Variants in PACRG observed in about 807,000 individuals in gnomAD.
PACRG encodes the protein parkin coregulated.
PACRG carries 29 observed loss-of-function variants against 29.7 expected under a neutral mutation model. That is an observed-to-expected ratio of 0.98 (90% CI 0.73 to 1.33). The LOEUF is 1.33. Ranked by LOEUF, PACRG falls within the 40% of genes most tolerant of loss-of-function variation. The pLI, the probability that PACRG is intolerant of heterozygous loss-of-function variation, is 0.00. For synonymous variants in PACRG, 116 were observed against 118.7 expected (o/e 0.98, Z 0.15); for missense variants, 279 against 316.2 (o/e 0.88, Z 0.89).
intron 2 of PACRG, among the ~76,000 whole-genome samples, chr6:162,995,989 G>A (rs1347792157): frequency 6.6e-6 from 1 of 152,154 alleles, no homozygotes; most frequent in Non-Finnish European, 1.5e-5. Flanking sequence ...TGTGATGTTG[G>A]TCAAAGGGTA....
chr6:162,989,852 A>G (rs1803275399), intron 2 of PACRG, among the ~76,000 whole-genome samples: 1 of 151,390 alleles, frequency 6.6e-6, no homozygotes, highest in Admixed American at 6.6e-5. Flanking sequence ...CTCGTCATCT[A>G]GCCTTAGGTA....
chr6:162,972,238 T>TTA (rs1243814186), intron 2 of PACRG, among the ~76,000 whole-genome samples: 1 of 152,204 alleles, frequency 6.6e-6, no homozygotes, highest in Non-Finnish European at 1.5e-5. Context: ...CAGTGATTCA[T>TTA]TATAAAATAA....
chr6:162,741,529 CTCTT>C (rs1780597928), intron 1 of PACRG, among the ~76,000 whole-genome samples: 1 of 152,172 alleles, frequency 6.6e-6, no homozygotes, highest in Admixed American at 6.5e-5. Flanking sequence ...CTCTCTCTCT[CTCTT>C]TCTTGTAGAG....
chr6:162,727,960 C>T (rs1000207353), upstream of PACRG: 5 of 596,160 alleles, frequency 8.4e-6, no homozygotes, highest in Admixed American at 9.0e-5. Flanking sequence ...ATGCGCCCGC[C>T]GTGTTGACCA....
At chr6:163,122,987 A>G (rs1396256842) in intron 4 of PACRG, among the ~76,000 whole-genome samples, 2 of 152,214 alleles carry the variant, frequency 1.3e-5, no homozygotes, top group African/African-American at 4.8e-5. Flanking sequence ...GCTATTAACG[A>G]CAAGGACACC....
intron 4 of PACRG, among the ~76,000 whole-genome samples, chr6:163,267,459 A>C (rs1216361319): frequency 6.6e-6 from 1 of 152,276 alleles, no homozygotes; most frequent in Non-Finnish European, 1.5e-5. Flanking sequence ...AGTCATATCC[A>C]GTGGGACCAT....
chr6:163,045,748 G>A (rs561764753), intron 2 of PACRG, among the ~76,000 whole-genome samples: 31 of 149,416 alleles, frequency 2.1e-4, no homozygotes, highest in African/African-American at 6.7e-4. Flanking sequence ...TCAGCCTCCC[G>A]AGTAGCTGGG....
At chr6:162,931,077 A>G (rs1350658445) in intron 2 of PACRG, among the ~76,000 whole-genome samples, 3 of 151,794 alleles carry the variant, frequency 2.0e-5, no homozygotes, top group Non-Finnish European at 4.4e-5. Context: ...TATCAGAGTA[A>G]TGCTAGCCTT....
At chr6:162,773,311 A>C (rs1017878107) in intron 1 of PACRG, among the ~76,000 whole-genome samples, 2 of 152,108 alleles carry the variant, frequency 1.3e-5, no homozygotes, top group African/African-American at 2.4e-5. Flanking sequence ...AAATTCTGTC[A>C]TGGTTTTCAT....
intron 2 of PACRG, among the ~76,000 whole-genome samples, chr6:163,004,731 T>TACAC (rs1391766486): frequency 8.3e-5 from 12 of 143,780 alleles, no homozygotes; most frequent in Middle Eastern, 3.6e-3. Context: ...TGTGTGTATA[T>TACAC]ATATATACAC....
intron 3 of PACRG, among the ~76,000 whole-genome samples, chr6:163,073,835 T>C (rs2128282201): frequency 6.6e-6 from 1 of 152,350 alleles, no homozygotes; most frequent in Middle Eastern, 3.4e-3. Flanking sequence ...GAAAAGGTTC[T>C]CGACATAATT....
At chr6:162,805,577 G>A (rs1332186822) in intron 1 of PACRG, among the ~76,000 whole-genome samples, 1 of 152,168 alleles carries the variant, frequency 6.6e-6, no homozygotes, top group East Asian at 1.9e-4. Context: ...TTTCTCTGTA[G>A]CATGTGATGC....
At chr6:163,184,740 A>C (rs892046549) in intron 4 of PACRG, 7 of 152,324 alleles carry the variant, frequency 4.6e-5, no homozygotes, top group South Asian at 2.1e-4. Context: ...AACATAAAGA[A>C]ATGCAACTTT....
chr6:163,124,197 C>T (rs541667695), intron 4 of PACRG, among the ~76,000 whole-genome samples: 1 of 152,294 alleles, frequency 6.6e-6, no homozygotes, highest in Admixed American at 6.5e-5. Context: ...AAATTAACTC[C>T]TTATCACATA....
At position 163,315,064 on chromosome 6, in the gene PACRG, C is replaced by T; in HGVS notation, c.*77C>T. 1 of 1,480,958 alleles carries T rather than the reference C, an allele frequency of 6.8e-7. No homozygotes were observed. The allele number at this position is 1,480,958 out of a possible 1,614,324, so 91.7% of individuals were successfully genotyped here. On this transcript the variant is annotated 3_prime_UTR_variant, in exon 5 of 5. Transcript: ENST00000366888. ...TCTCTGTTGCTTTTAGCATCTCATT[C>T]CTTGTGACTTCCACAGCTTTCTTTT...
intron 2 of PACRG, among the ~76,000 whole-genome samples, chr6:162,955,248 A>C (rs1799926706): frequency 6.6e-6 from 1 of 152,088 alleles, no homozygotes; most frequent in Non-Finnish European, 1.5e-5. Context: ...AAGCATTTCA[A>C]ATTCCCCTAA....
intron 2 of PACRG, among the ~76,000 whole-genome samples, chr6:162,940,266 A>G (rs1798523173): frequency 6.6e-6 from 1 of 152,190 alleles, no homozygotes; most frequent in South Asian, 2.1e-4. Context: ...TTACTGCCCT[A>G]CACTCTGTTC....
intron 1 of PACRG, among the ~76,000 whole-genome samples, chr6:162,784,360 C>G (rs560348106): frequency 2.0e-5 from 3 of 152,240 alleles, no homozygotes; most frequent in South Asian, 4.1e-4. Flanking sequence ...CTTAATTTCT[C>G]GATCTCCCTT....
At chr6:163,147,452 G>T (rs552922169) in intron 4 of PACRG, among the ~76,000 whole-genome samples, 11 of 152,294 alleles carry the variant, frequency 7.2e-5, no homozygotes, top group African/African-American at 2.6e-4. Flanking sequence ...AGACTCAGAG[G>T]CTGGGTTGCC....
Sources: gnomAD v4.1 joint callset for allele counts (sites outside exome capture counted in the v4.1 genomes callset) on GRCh38, gnomAD v4.1.1 for gene constraint, MANE v1.5 for transcripts, NCBI Gene and HGNC (gene_info 2026-07-23, HGNC 2026-07-21) for gene names.